PARD3B: variants seen among roughly 807,000 people sequenced by gnomAD.
PARD3B encodes the protein par-3 family cell polarity regulator beta.
PARD3B carries 103 observed loss-of-function variants against 130.2 expected under a neutral mutation model. That is an observed-to-expected ratio of 0.79 (90% CI 0.67 to 0.93). PARD3B has a LOEUF of 0.93. PARD3B is among the 40% of genes least tolerant of loss of function. The pLI, the probability that PARD3B is intolerant of heterozygous loss-of-function variation, is 0.00. For synonymous variants in PARD3B, 583 were observed against 553.2 expected (o/e 1.05, Z -0.76); for missense variants, 1,609 against 1,499.2 (o/e 1.07, Z -1.21).
rs118135663 is a variant in PARD3B at position 205,530,985 on chromosome 2, G to T, written c.3181-22339G>T. On this transcript the variant is annotated intron_variant, in intron 21 of 22. Coordinates refer to ENST00000406610, the MANE Select transcript of PARD3B (RefSeq NM_001302769.2). The surrounding 1 kb of genome is among the most constrained non-coding windows in gnomAD (Gnocchi z 4.7). ...TCTGAAAGGTAAGATTTCAATATCT[G>T]TATGTAGACTGTGACCTTTGCAAAA... Among the ~76,000 whole-genome samples, 2,165 of 152,280 alleles carry T rather than the reference G, an allele frequency of 0.014. 168 individuals carry two copies. Among genetic ancestry groups the T allele is most frequent in the Admixed American group, 0.13 (1,949 of 15,282 alleles).
chr2:204,697,478 A>G (rs1234897896), intron 2 of PARD3B, among the ~76,000 whole-genome samples: 2 of 152,142 alleles, frequency 1.3e-5, no homozygotes, highest in African/African-American at 4.8e-5. Context: ...TTCTCAATGA[A>G]GCACATGCTG....
intron 15 of PARD3B, among the ~76,000 whole-genome samples, chr2:205,216,036 T>C (rs998756949): frequency 1.3e-5 from 2 of 152,160 alleles, no homozygotes; most frequent in African/African-American, 4.8e-5. Flanking sequence ...TATATAATCA[T>C]GTACGATGTA....
At chr2:205,133,260 A>G (rs1467479178) in intron 10 of PARD3B, among the ~76,000 whole-genome samples, 1 of 152,164 alleles carries the variant, frequency 6.6e-6, no homozygotes, top group Non-Finnish European at 1.5e-5. Context: ...ATCATGTTAT[A>G]ATTTGAAATG....
At chr2:205,035,102 A>T (rs751109782) in intron 3 of PARD3B, among the ~76,000 whole-genome samples, 7 of 151,844 alleles carry the variant, frequency 4.6e-5, no homozygotes, top group Non-Finnish European at 7.4e-5. Context: ...ACCTCAGGTG[A>T]TCCCCCCCCC....
intron 2 of PARD3B, among the ~76,000 whole-genome samples, chr2:204,898,654 A>G (rs1334367127): frequency 6.6e-6 from 1 of 152,156 alleles, no homozygotes; most frequent in Non-Finnish European, 1.5e-5. Flanking sequence ...TGTAGTGAAG[A>G]TTAACTCCAG....
At chr2:205,201,698 G>A (rs765673268) in intron 15 of PARD3B, among the ~76,000 whole-genome samples, 2 of 152,270 alleles carry the variant, frequency 1.3e-5, no homozygotes, top group Non-Finnish European at 2.9e-5. Context: ...TTAGCTGGGC[G>A]TGGTGGCCCA....
chr2:204,742,020 T>G (rs561681000), intron 2 of PARD3B, among the ~76,000 whole-genome samples: 2 of 152,280 alleles, frequency 1.3e-5, no homozygotes, highest in African/African-American at 4.8e-5. Context: ...TCACCCAGGA[T>G]CTACTTACTC....
chr2:205,464,171 G>C (rs1232055330), intron 20 of PARD3B, among the ~76,000 whole-genome samples: 2 of 152,102 alleles, frequency 1.3e-5, no homozygotes, highest in African/African-American at 4.8e-5. Context: ...TCCTAGGTTG[G>C]TTCCTTGGAA....
chr2:205,035,018 G>A (rs905272809), intron 3 of PARD3B, among the ~76,000 whole-genome samples: 1 of 151,880 alleles, frequency 6.6e-6, no homozygotes, highest in Non-Finnish European at 1.5e-5. Context: ...GCGCCACCAC[G>A]CCCGGCTGAT....
chr2:204,781,063 T>G (rs539100950), intron 2 of PARD3B, among the ~76,000 whole-genome samples: 1 of 152,168 alleles, frequency 6.6e-6, no homozygotes, highest in African/African-American at 2.4e-5. Flanking sequence ...TTGAAGAGGG[T>G]TTTCCACTCT....
intron 20 of PARD3B, among the ~76,000 whole-genome samples, chr2:205,468,025 C>T (rs931960273): frequency 6.6e-6 from 1 of 152,176 alleles, no homozygotes; most frequent in South Asian, 2.1e-4. Flanking sequence ...AGTAAGGTAA[C>T]CTCCAAGTGG....
chr2:204,951,645 C>T (rs1689781226), intron 2 of PARD3B, among the ~76,000 whole-genome samples: 1 of 152,056 alleles, frequency 6.6e-6, no homozygotes, highest in Non-Finnish European at 1.5e-5. Flanking sequence ...CATATGTTAC[C>T]TACATGTAAA....
At position 205,575,131 on chromosome 2, in the gene PARD3B, A is replaced by T. The variant is rs2053708389; in HGVS notation, c.3260+21728A>T. 6.6e-6 allele frequency among the ~76,000 whole-genome samples: 1 copy of T among 150,620 alleles called. No individual in the cohort carries two copies. The highest frequency in any genetic ancestry group is 6.6e-5 in the Admixed American group (1 of 15,082). ...CACACACACGCGTACACTATATATA[A>T]AAATATATTTTCATGTAAGGTATAT... is the stretch of plus-strand genomic sequence containing the variant. On this transcript the variant is annotated intron_variant, in intron 22 of 22. Coordinates refer to ENST00000406610, the MANE Select transcript of PARD3B (RefSeq NM_001302769.2). The surrounding 1 kb of genome is among the most constrained non-coding windows in gnomAD (Gnocchi z 4.6).
At chr2:205,240,176 A>G (rs549051732) in intron 15 of PARD3B, among the ~76,000 whole-genome samples, 1 of 152,350 alleles carries the variant, frequency 6.6e-6, no homozygotes, top group South Asian at 2.1e-4. Flanking sequence ...GAAATTCTGG[A>G]AATCAATCAG....
At chr2:205,501,998 T>A (rs1215739045) in intron 21 of PARD3B, among the ~76,000 whole-genome samples, 1 of 152,144 alleles carries the variant, frequency 6.6e-6, no homozygotes, top group Non-Finnish European at 1.5e-5. Flanking sequence ...GGTCTGAGGC[T>A]TCCCAAAGGG....
At chr2:205,111,057 G>T (rs964933358) in intron 5 of PARD3B, among the ~76,000 whole-genome samples, 1 of 151,932 alleles carries the variant, frequency 6.6e-6, no homozygotes, top group African/African-American at 2.4e-5. Flanking sequence ...GGTCCATGGG[G>T]CATTATTTTT....
At chr2:205,169,880 C>G (rs530131721) in intron 11 of PARD3B, among the ~76,000 whole-genome samples, 1 of 151,976 alleles carries the variant, frequency 6.6e-6, no homozygotes, top group East Asian at 1.9e-4. Context: ...CCAGTTATAT[C>G]TCACATCACA....
In PARD3B at chr2:205,274,350, C is replaced by T. The variant is rs2040856085; in HGVS notation, c.2186-26180C>T. ...ATTTGCAAGAATAATCAGCTGATTT[C>T]ATTCCTGATGTATAAAGGAAAATAT... On this transcript the variant is annotated intron_variant, in intron 16 of 22. Transcript: ENST00000406610. The surrounding 1 kb of genome is among the most constrained non-coding windows in gnomAD (Gnocchi z 4.2). 6.6e-6 allele frequency among the ~76,000 whole-genome samples: 1 copy of T among 151,990 alleles called. No individual in the cohort carries two copies. The highest frequency in any genetic ancestry group is 2.1e-4 in the South Asian group (1 of 4,816).
chr2:205,439,177 T>A (rs569134155), intron 19 of PARD3B, among the ~76,000 whole-genome samples: 1 of 152,254 alleles, frequency 6.6e-6, no homozygotes, highest in South Asian at 2.1e-4. Flanking sequence ...AAGATACTGA[T>A]GGGTTTCAGT....
Sources: allele counts gnomAD v4.1 joint callset (sites outside exome capture counted in the v4.1 genomes callset), GRCh38; gene constraint gnomAD v4.1.1; non-coding constraint Gnocchi (gnomAD v3.1); transcripts MANE v1.5; gene names NCBI Gene and HGNC (gene_info 2026-07-23, HGNC 2026-07-21).